FOXP1: variants seen among roughly 807,000 people sequenced by gnomAD.
The protein encoded by FOXP1 is forkhead box P1, also known as forkhead box protein P1.
FOXP1 carries 15 observed loss-of-function variants against 98.2 expected under a neutral mutation model. That is an observed-to-expected ratio of 0.15 (90% CI 0.10 to 0.24). The LOEUF is 0.24. Ranked by LOEUF, FOXP1 falls within the 10% of genes least tolerant of loss-of-function variation. The pLI, the probability that FOXP1 is intolerant of heterozygous loss-of-function variation, is 1.00. For synonymous variants in FOXP1, 371 were observed against 314.5 expected (o/e 1.18, Z -1.90); for missense variants, 633 against 848.5 (o/e 0.75, Z 3.15).
intron 6 of FOXP1, among the ~76,000 whole-genome samples, chr3:71,133,774 C>T (rs997664430): frequency 6.6e-6 from 1 of 151,966 alleles, no homozygotes. Context: ...GAGTTGAGTA[C>T]ACGTTACATT....
chr3:71,049,323 C>A lies in FOXP1; in HGVS notation c.511-2228G>T, dbSNP rs182595204. Among the ~76,000 whole-genome samples, 4 of 152,290 alleles carry A rather than the reference C, an allele frequency of 2.6e-5. No individual in the cohort carries two copies. In the East Asian group the frequency reaches 7.7e-4, roughly 29 times the overall value. ...ATCAACTTAGCCTACCTCACCCGCA[C>A]AGGATGGAATCTTTTTTTGTAGCTC... is the stretch of plus-strand genomic sequence containing the variant. On this transcript the variant is annotated intron_variant, in intron 9 of 20. Transcript: ENST00000649528.
chr3:71,328,983 A>C (rs1436936210), intron 4 of FOXP1, among the ~76,000 whole-genome samples: 1 of 132,962 alleles, frequency 7.5e-6, no homozygotes, highest in African/African-American at 2.6e-5. Context: ...CTAAAAAAAA[A>C]AAAAAACAAA....
intron 5 of FOXP1, among the ~76,000 whole-genome samples, chr3:71,239,396 T>G (rs1045449203): frequency 6.6e-6 from 1 of 151,858 alleles, no homozygotes; most frequent in Non-Finnish European, 1.5e-5. Context: ...TACAAAAAAT[T>G]TGCCAGGTGT....
chr3:71,479,103 C>G (rs983735916), intron 3 of FOXP1, among the ~76,000 whole-genome samples: 5 of 152,164 alleles, frequency 3.3e-5, no homozygotes, highest in African/African-American at 1.2e-4. Flanking sequence ...GTAACTTTTA[C>G]GTCACTTGCA....
intron 5 of FOXP1, among the ~76,000 whole-genome samples, chr3:71,294,859 G>A (rs1224705015): frequency 6.6e-6 from 1 of 152,096 alleles, no homozygotes; most frequent in Non-Finnish European, 1.5e-5. Context: ...AAAGAAAATT[G>A]CTTGCTTTGG....
At chr3:71,122,858 T>C (rs771965463) in intron 6 of FOXP1, among the ~76,000 whole-genome samples, 1 of 152,166 alleles carries the variant, frequency 6.6e-6, no homozygotes, top group Non-Finnish European at 1.5e-5. Flanking sequence ...AGGTCACTGA[T>C]TAGACCAAAG....
At chr3:71,244,433 A>T (rs529584526) in intron 5 of FOXP1, among the ~76,000 whole-genome samples, 7 of 149,730 alleles carry the variant, frequency 4.7e-5, no homozygotes, top group Admixed American at 1.3e-4. Flanking sequence ...TTTGTTCTGG[A>T]GTTGCAGATA....
intron 3 of FOXP1, among the ~76,000 whole-genome samples, chr3:71,386,223 G>A (rs10470554): frequency 0.48 from 72,330 of 151,932 alleles, 18,268 homozygotes; most frequent in African/African-American, 0.55. Context: ...ACATTGCTTT[G>A]AAATATGACA....
chr3:71,292,735 A>T (rs947457601), intron 5 of FOXP1: 2 of 152,226 alleles, frequency 1.3e-5, no homozygotes, highest in Admixed American at 1.3e-4. Context: ...TACAAAATTC[A>T]GGAAAGATCT....
chr3:70,983,302 A>G (rs2039191816), intron 14 of FOXP1, among the ~76,000 whole-genome samples: 1 of 152,164 alleles, frequency 6.6e-6, no homozygotes, highest in Admixed American at 6.5e-5. Context: ...GGGGCACTTA[A>G]TGAAAAACAG....
At chr3:71,494,596 C>G (rs930524351) in intron 2 of FOXP1, among the ~76,000 whole-genome samples, 2 of 152,146 alleles carry the variant, frequency 1.3e-5, no homozygotes, top group Non-Finnish European at 2.9e-5. Flanking sequence ...AGCATAGCTC[C>G]ATGTCCTGCA....
At chr3:71,279,012 C>T (rs1361719490) in intron 5 of FOXP1, among the ~76,000 whole-genome samples, 3 of 151,252 alleles carry the variant, frequency 2.0e-5, no homozygotes, top group Non-Finnish European at 4.4e-5. Flanking sequence ...GCCAACATGG[C>T]GAAACTGTGT....
chr3:71,580,567 A>G (rs966699102), intron 2 of FOXP1, among the ~76,000 whole-genome samples: 2 of 152,118 alleles, frequency 1.3e-5, no homozygotes, highest in Non-Finnish European at 2.9e-5. Context: ...CCTCTTTCTC[A>G]ATTATGTAGG....
chr3:71,071,420 A>C (rs1294466554), intron 7 of FOXP1, among the ~76,000 whole-genome samples: 2 of 152,076 alleles, frequency 1.3e-5, no homozygotes, highest in African/African-American at 4.8e-5. Flanking sequence ...AGGCTGTTTA[A>C]CTCTGAGATA....
intron 2 of FOXP1, among the ~76,000 whole-genome samples, chr3:71,538,649 A>C (rs989082766): frequency 6.6e-6 from 1 of 152,178 alleles, no homozygotes; most frequent in African/African-American, 2.4e-5. Context: ...GTAGATAGAC[A>C]ATTTCATTCC....
At chr3:71,474,430 C>A (rs2089636333) in intron 3 of FOXP1, among the ~76,000 whole-genome samples, 1 of 152,176 alleles carries the variant, frequency 6.6e-6, no homozygotes, top group Non-Finnish European at 1.5e-5. Context: ...GTTCAGGGGT[C>A]CCCAGTCCCC....
intron 3 of FOXP1, among the ~76,000 whole-genome samples, chr3:71,478,141 T>C (rs935897639): frequency 6.6e-6 from 1 of 152,186 alleles, no homozygotes; most frequent in African/African-American, 2.4e-5. Flanking sequence ...CCACATCTTC[T>C]TTTTTAATCA....
intron 6 of FOXP1, among the ~76,000 whole-genome samples, chr3:71,189,090 G>A (rs1295910807): frequency 2.0e-5 from 3 of 152,168 alleles, no homozygotes; most frequent in Non-Finnish European, 4.4e-5. Flanking sequence ...GGGCCTTTAT[G>A]TCCCCAGGCA....
rs1175675329 is a variant in FOXP1, at chr3:71,368,991, C to G, written c.-167-9747G>C. Among the ~76,000 whole-genome samples, 4 of 152,284 alleles carry G rather than the reference C, an allele frequency of 2.6e-5. No homozygotes were observed. In the South Asian group the frequency reaches 8.3e-4, roughly 32 times the overall value. The stretch of plus-strand genomic sequence containing the variant: ...CATTAGGATCTACCTCAAAGAAATA[C>G]TTATTTCTGCCCTCATTAAGATCTA... On this transcript the variant is annotated intron_variant, in intron 3 of 20. Coordinates refer to ENST00000649528, the MANE Select transcript of FOXP1 (RefSeq NM_001349338.3).
Sources: allele counts gnomAD v4.1 joint callset (sites outside exome capture counted in the v4.1 genomes callset), GRCh38; gene constraint gnomAD v4.1.1; transcripts MANE v1.5; gene names NCBI Gene and HGNC (gene_info 2026-07-23, HGNC 2026-07-21).